The following PLA2G4E variants were observed in gnomAD, a reference collection of about 807,000 sequenced individuals.
PLA2G4E encodes cytosolic phospholipase A2 epsilon.
A neutral mutation model predicts 109.1 loss-of-function variants in PLA2G4E; 84 were observed. That is an observed-to-expected ratio of 0.77 (90% CI 0.65 to 0.92). The LOEUF (loss-of-function observed/expected upper bound fraction) is 0.92, where lower values mean the gene tolerates loss of function less well. Ranked by LOEUF, PLA2G4E falls within the 40% of genes least tolerant of loss-of-function variation. PLA2G4E has a pLI of 0.00. For missense variants in PLA2G4E, 1,057 were observed against 1,076.6 expected (o/e 0.98, Z 0.25); for synonymous variants, 469 against 436.1 (o/e 1.08, Z -0.94).
chr15:42,007,665 A>G, intron 3 of PLA2G4E, 64 bp downstream of exon 3: 1 of 1,538,848 alleles, frequency 6.5e-7, no homozygotes, highest in South Asian at 1.2e-5. Flanking sequence ...AAAGAGAAGG[A>G]CAAGTGGGCA....
chr15:42,006,490 C>T (rs1362936393), intron 3 of PLA2G4E, among the ~76,000 whole-genome samples: 1 of 152,138 alleles, frequency 6.6e-6, no homozygotes, highest in African/African-American at 2.4e-5. Context: ...ATGTGGTCAG[C>T]ACTGGGCCCC....
intron 10 of PLA2G4E, 52 bp downstream of exon 10, chr15:41,999,472 C>T: frequency 1.5e-6 from 2 of 1,343,872 alleles, no homozygotes; most frequent in Non-Finnish European, 2.1e-6. Context: ...TACCACTGCA[C>T]ACCCACTGCT....
intron 1 of PLA2G4E, among the ~76,000 whole-genome samples, chr15:42,030,493 C>G (rs1342590979): frequency 1.3e-5 from 2 of 152,218 alleles, no homozygotes; most frequent in African/African-American, 4.8e-5. Flanking sequence ...CTCCAACTAT[C>G]ACTCTGGGCC....
chr15:41,999,458 G>T, intron 10 of PLA2G4E, 66 bp downstream of exon 10: 1 of 1,217,496 alleles, frequency 8.2e-7, no homozygotes, highest in Non-Finnish European at 1.2e-6. Flanking sequence ...AAACCACAGT[G>T]AGATACCACT....
chr15:42,027,221 T>C (rs961596761), intron 1 of PLA2G4E, among the ~76,000 whole-genome samples: 2 of 152,138 alleles, frequency 1.3e-5, no homozygotes, highest in African/African-American at 4.8e-5. Flanking sequence ...ATCAAGGACA[T>C]CTACAACAAC....
At chr15:42,010,496 T>C (rs112060957) in intron 2 of PLA2G4E, among the ~76,000 whole-genome samples, 164 of 152,310 alleles carry the variant, frequency 1.1e-3, no homozygotes, top group African/African-American at 3.7e-3. Context: ...CAGCAATGAA[T>C]GGTTAGGCAA....
At chr15:42,006,022 T>C (rs749505046) in exon 4 of PLA2G4E, 1 of 1,613,984 alleles carries the variant, frequency 6.2e-7, no homozygotes, top group Admixed American at 1.7e-5. Context: ...ACGTGGGTTT[T>C]CTTTCGGAAA....
chr15:42,027,869 G>GCCACCCTCCATAATGTATGGGGCCTGGA (rs1326282673), intron 1 of PLA2G4E, among the ~76,000 whole-genome samples: 1 of 152,196 alleles, frequency 6.6e-6, no homozygotes, highest in African/African-American at 2.4e-5. Context: ...GCCCTCCTGG[G>GCCACCCTCCATAATGTATGGGGCCTGGA]CCACCCTCCA....
At chr15:42,006,303 A>G in intron 3 of PLA2G4E, 182 bp from the exon 4 acceptor site, 1 of 638,464 alleles carries the variant, frequency 1.6e-6, no homozygotes. Flanking sequence ...GCAAGTGTCT[A>G]TTCCCTCCTT....
chr15:42,039,982 A>G (rs1426387120), intron 1 of PLA2G4E, among the ~76,000 whole-genome samples: 1 of 152,232 alleles, frequency 6.6e-6, no homozygotes, highest in South Asian at 2.1e-4. Context: ...TGTTCAGTGA[A>G]TTTGTAAAAC....
At chr15:42,045,561 C>G (rs181196836) in intron 1 of PLA2G4E, among the ~76,000 whole-genome samples, 3 of 152,190 alleles carry the variant, frequency 2.0e-5, no homozygotes, top group Admixed American at 6.5e-5. Flanking sequence ...CTGCTCTGTG[C>G]TCAGAAAGAT....
exon 11 of PLA2G4E, chr15:41,997,240 G>A (rs1162863309): frequency 5.2e-6 from 8 of 1,548,094 alleles, no homozygotes; most frequent in South Asian, 1.2e-5. Context: ...AAGCCCAGCC[G>A]CACGTCCAGT....
chr15:42,025,202 GAA>G (rs112998968), intron 1 of PLA2G4E, among the ~76,000 whole-genome samples: 1 of 83,384 alleles, frequency 1.2e-5, no homozygotes, highest in Admixed American at 1.3e-4. Flanking sequence ...TCTCAAAAAA[GAA>G]AAAAAAAAAA....
chr15:41,997,274 G>A lies in PLA2G4E; in HGVS notation c.975-15C>T, dbSNP rs1316377027. 1 of 1,534,184 alleles carries A rather than the reference G, an allele frequency of 6.5e-7. No individual in the cohort carries two copies. The highest frequency in any genetic ancestry group is 1.4e-5 in the African/African-American group (1 of 72,442). ...GTGTCTCAGGGCTGGAGGGAGAGAG[G>A]ACCCTGTATTGGGCCTGCAGCCTCT... is the stretch of plus-strand genomic sequence containing the variant. On this transcript the variant is annotated splice_polypyrimidine_tract_variant and intron_variant, in intron 10 of 19. Transcript: ENST00000399518.
chr15:42,019,889 G>A (rs992828902), intron 1 of PLA2G4E, among the ~76,000 whole-genome samples: 1 of 152,224 alleles, frequency 6.6e-6, no homozygotes, highest in Non-Finnish European at 1.5e-5. Flanking sequence ...GCCACATTTG[G>A]GGTCCCGGGC....
At position 41,984,419 on chromosome 15, in the gene PLA2G4E, G is replaced by A. The variant is rs1235335363; in HGVS notation, c.2386+17C>T. ...AAGGGCAGCAGGTGCTGGGAACTGA[G>A]CACAGAGGCAGCTCACCTGGTGCCT... On this transcript the variant is annotated intron_variant, in intron 19 of 19. Transcript: ENST00000399518. The A allele has an allele frequency of 6.2e-7, 1 of 1,603,640 alleles. No individual in the cohort carries two copies. The highest frequency in any genetic ancestry group is 1.3e-5 in the African/African-American group (1 of 74,930).
At chr15:42,004,301 AGAAAGAAAGGAAAGAAAAG>A (rs1489860154) in intron 5 of PLA2G4E, among the ~76,000 whole-genome samples, 1 of 151,526 alleles carries the variant, frequency 6.6e-6, no homozygotes, top group African/African-American at 2.4e-5. Context: ...GACGAAAGAA[AGAAAGAAAGGAAAGAAAAG>A]GAAAGAAAGG....
intron 1 of PLA2G4E, among the ~76,000 whole-genome samples, chr15:42,016,126 G>A (rs956958170): frequency 2.0e-5 from 3 of 151,880 alleles, no homozygotes; most frequent in Admixed American, 6.6e-5. Flanking sequence ...CTTTTTAAGA[G>A]GATTCAATTC....
intron 1 of PLA2G4E, among the ~76,000 whole-genome samples, chr15:42,028,947 A>T (rs1181709135): frequency 6.6e-6 from 1 of 152,154 alleles, no homozygotes; most frequent in Non-Finnish European, 1.5e-5. Flanking sequence ...TGACAAGATA[A>T]CAAAGTATAA....
Sources: gnomAD v4.1 joint callset for allele counts (sites outside exome capture counted in the v4.1 genomes callset) on GRCh38, gnomAD v4.1.1 for gene constraint, MANE v1.5 for transcripts, NCBI Gene and HGNC (gene_info 2026-07-23, HGNC 2026-07-21) for gene names.